B4GALT5: variants seen among roughly 807,000 people sequenced by gnomAD.
B4GALT5 encodes the protein UDP-Gal:beta-GlcNAc beta-1,4-galactosyltransferase 5.
A neutral mutation model predicts 45.0 loss-of-function variants in B4GALT5; 11 were observed. The observed-to-expected ratio is 0.24, with a 90% CI of 0.15 to 0.40. The LOEUF (loss-of-function observed/expected upper bound fraction) is 0.40, where lower values mean the gene tolerates loss of function less well. B4GALT5 is among the 10% of genes least tolerant of loss of function. The pLI, the probability that B4GALT5 is intolerant of heterozygous loss-of-function variation, is 1.00. For missense variants in B4GALT5, 337 were observed against 500.2 expected (o/e 0.67, Z 3.11); for synonymous variants, 185 against 182.9 (o/e 1.01, Z -0.09).
At chr20:49,640,785 C>T in intron 5 of B4GALT5, 120 bp from the exon 6 acceptor site, 1 of 990,874 alleles carries the variant, frequency 1.0e-6, no homozygotes, top group Non-Finnish European at 1.4e-6. Context: ...CTAGTGTAAC[C>T]AGGTCCAACA....
intron 1 of B4GALT5, among the ~76,000 whole-genome samples, chr20:49,686,728 CAAAAAAAAAA>C (rs59766440): frequency 2.2e-4 from 13 of 59,468 alleles, no homozygotes; most frequent in African/African-American, 9.4e-4. Context: ...TGTCTCTGCC[CAAAAAAAAAA>C]AAAAAAAAAA....
At chr20:49,664,211 G>T (rs1171672755) in intron 1 of B4GALT5, among the ~76,000 whole-genome samples, 1 of 151,962 alleles carries the variant, frequency 6.6e-6, no homozygotes, top group Non-Finnish European at 1.5e-5. Flanking sequence ...GAGAAAACAA[G>T]AAGATAAATC....
At chr20:49,672,546 C>T (rs1223581416) in intron 1 of B4GALT5, among the ~76,000 whole-genome samples, 1 of 149,962 alleles carries the variant, frequency 6.7e-6, no homozygotes, top group Non-Finnish European at 1.5e-5. Flanking sequence ...TTTCTGTCAT[C>T]TATTATGACA....
At chr20:49,674,183 CTG>C (rs2085728013) in intron 1 of B4GALT5, among the ~76,000 whole-genome samples, 1 of 143,156 alleles carries the variant, frequency 7.0e-6, no homozygotes, top group African/African-American at 2.6e-5. Flanking sequence ...TGAGCCGAGA[CTG>C]TGTCACTGCA....
intron 1 of B4GALT5, among the ~76,000 whole-genome samples, 175 bp downstream of exon 1, chr20:49,713,401 G>A (rs2146366855): frequency 1.3e-5 from 2 of 151,928 alleles, no homozygotes; most frequent in East Asian, 3.9e-4. Context: ...GCCTGTTGGG[G>A]TGCGGAGGGC....
rs1341505139 is a variant in B4GALT5, at chr20:49,713,757, C to A, written c.-67G>T. The A allele has an allele frequency of 4.3e-6, 2 of 461,096 alleles. No homozygotes were observed. Among genetic ancestry groups the A allele is most frequent in the Non-Finnish European group, 6.2e-6 (2 of 324,044 alleles). 28.6% of individuals were successfully genotyped at this position (461,096 alleles called of 1,614,324 possible). On this transcript the variant is annotated 5_prime_UTR_variant, in exon 1 of 9. Coordinates refer to ENST00000371711, the MANE Select transcript of B4GALT5 (RefSeq NM_004776.4). ...TCCCGCAGCTCCCCGTCCGCCGCCT[C>A]CTGGGCCGCCGCCGCCACCGCCTGG... is the stretch of plus-strand genomic sequence containing the variant.
At chr20:49,700,478 T>C (rs2085857125) in intron 1 of B4GALT5, among the ~76,000 whole-genome samples, 1 of 151,758 alleles carries the variant, frequency 6.6e-6, no homozygotes, top group Non-Finnish European at 1.5e-5. Context: ...ATTTGTATTT[T>C]TGTAGAAACA....
chr20:49,641,211 C>T (rs1884411602), intron 5 of B4GALT5, among the ~76,000 whole-genome samples: 1 of 152,200 alleles, frequency 6.6e-6, no homozygotes, highest in South Asian at 2.1e-4. Context: ...CCCAAGGCTA[C>T]TGAAGGCAGA....
intron 1 of B4GALT5, among the ~76,000 whole-genome samples, chr20:49,706,602 A>G (rs1023644445): frequency 6.6e-6 from 1 of 152,168 alleles, no homozygotes; most frequent in East Asian, 1.9e-4. Flanking sequence ...ACAATTTTCT[A>G]CAAAACATAA....
intron 1 of B4GALT5, among the ~76,000 whole-genome samples, chr20:49,713,291 C>T (rs1241856577): frequency 1.5e-5 from 2 of 131,708 alleles, no homozygotes; most frequent in South Asian, 2.4e-4. Flanking sequence ...AAGGGGGTTC[C>T]GGAGCAAGGG....
At chr20:49,710,493 C>T (rs2085904174) in intron 1 of B4GALT5, among the ~76,000 whole-genome samples, 1 of 150,756 alleles carries the variant, frequency 6.6e-6, no homozygotes, top group South Asian at 2.1e-4. Context: ...AATCTCGGCT[C>T]ACAGCAACCT....
chr20:49,648,437 A>G (rs1436087551), intron 2 of B4GALT5, among the ~76,000 whole-genome samples: 1 of 152,038 alleles, frequency 6.6e-6, no homozygotes, highest in Non-Finnish European at 1.5e-5. Flanking sequence ...ACAGCTTTCA[A>G]TCTCCCTTTA....
intron 1 of B4GALT5, among the ~76,000 whole-genome samples, chr20:49,674,498 T>C (rs1182014796): frequency 4.6e-5 from 7 of 152,092 alleles, no homozygotes; most frequent in Non-Finnish European, 5.9e-5. Context: ...TCCCAACACT[T>C]TGGAATTACA....
intron 1 of B4GALT5, among the ~76,000 whole-genome samples, chr20:49,694,752 C>T (rs1471949171): frequency 6.6e-6 from 1 of 152,092 alleles, no homozygotes; most frequent in East Asian, 1.9e-4. Flanking sequence ...ACAATATGCG[C>T]ATAACCTGAA....
intron 1 of B4GALT5, among the ~76,000 whole-genome samples, chr20:49,671,894 G>C (rs1306708533): frequency 2.6e-5 from 4 of 151,978 alleles, no homozygotes; most frequent in African/African-American, 9.7e-5. Context: ...TATGGGGTCG[G>C]GGGAAGCACA....
At chr20:49,669,503 C>CCGT (rs1232160776) in intron 1 of B4GALT5, among the ~76,000 whole-genome samples, 3 of 152,046 alleles carry the variant, frequency 2.0e-5, no homozygotes, top group Non-Finnish European at 4.4e-5. Context: ...TCGCAACCAA[C>CCGT]CTGACCAACA....
intron 1 of B4GALT5, among the ~76,000 whole-genome samples, chr20:49,709,183 T>C (rs2085897298): frequency 1.3e-5 from 2 of 152,204 alleles, no homozygotes; most frequent in Admixed American, 6.5e-5. Flanking sequence ...CTCTGAGCTC[T>C]CGGATTTTTT....
intron 1 of B4GALT5, among the ~76,000 whole-genome samples, chr20:49,663,701 A>C (rs1464681166): frequency 4.9e-4 from 52 of 105,300 alleles, no homozygotes; most frequent in African/African-American, 9.3e-4. Context: ...ATATATACAT[A>C]TATATATATA....
At chr20:49,655,120 G>C (rs1475795965) in intron 2 of B4GALT5, among the ~76,000 whole-genome samples, 4 of 150,020 alleles carry the variant, frequency 2.7e-5, no homozygotes. Context: ...GACAAACTTA[G>C]ATGCCATCTC....
Sources: allele counts gnomAD v4.1 joint callset (sites outside exome capture counted in the v4.1 genomes callset), GRCh38; gene constraint gnomAD v4.1.1; transcripts MANE v1.5; gene names NCBI Gene and HGNC (gene_info 2026-07-23, HGNC 2026-07-21).